FBXO10: variants seen among roughly 807,000 people sequenced by gnomAD.
FBXO10 encodes F-box protein 10, also known as F-box only protein 10.
A neutral mutation model predicts 80.7 loss-of-function variants in FBXO10; 39 were observed. The ratio of observed to expected loss-of-function variants is 0.48; its 90% confidence interval spans 0.37 to 0.63. FBXO10 has a LOEUF of 0.63. FBXO10 is among the 30% of genes least tolerant of loss of function. The pLI, the probability that FBXO10 is intolerant of heterozygous loss-of-function variation, is 0.00. For synonymous variants in FBXO10, 449 were observed against 489.6 expected (o/e 0.92, Z 1.09); for missense variants, 1,025 against 1,269.0 (o/e 0.81, Z 2.92).
rs371237516 is a variant in FBXO10, at chr9:37,521,584, T to C, written c.2185A>G (p.Ile729Val). 4.0e-5 allele frequency: 65 copies of C among 1,611,566 alleles called. No homozygotes were observed. The highest frequency in any genetic ancestry group is 5.2e-5 in the Non-Finnish European group (61 of 1,178,544). The change falls in exon 8 of 11, where the codon ATT (isoleucine) becomes GTT (valine). Residue 729 changes from isoleucine (I) to valine (V), a missense_variant. By Grantham distance (29) the Ile-to-Val change is conservative. Transcript: ENST00000432825. ...ITIALVESNS[I>V]NHNGASGLYV... ...GTATACTCACCTCCATTGTGATTAATACTGTTAGACTCAACAAGAGCTATG... is the reference window on the plus strand; with the variant it reads ...GTATACTCACCTCCATTGTGATTAACACTGTTAGACTCAACAAGAGCTATG...
At chr9:37,558,955 C>T (rs750658398) in intron 1 of FBXO10, among the ~76,000 whole-genome samples, 4 of 151,984 alleles carry the variant, frequency 2.6e-5, no homozygotes, top group Admixed American at 6.6e-5. Flanking sequence ...CGATTACAGA[C>T]GCGCACCACC....
At chr9:37,548,807 G>C (rs1178094359) in intron 1 of FBXO10, among the ~76,000 whole-genome samples, 2 of 151,932 alleles carry the variant, frequency 1.3e-5, no homozygotes, top group Non-Finnish European at 1.5e-5. Context: ...GAAGTGCAGT[G>C]GCGCCATCTC....
intron 4 of FBXO10, among the ~76,000 whole-genome samples, chr9:37,529,812 T>A (rs994100651): frequency 2.6e-5 from 4 of 151,352 alleles, no homozygotes; most frequent in African/African-American, 9.7e-5. Context: ...AGAAGGTGTA[T>A]GAGCTACAGA....
At chr9:37,522,319 A>G (rs1821365262) in intron 7 of FBXO10, 3 of 992,402 alleles carry the variant, frequency 3.0e-6, no homozygotes, top group Non-Finnish European at 3.6e-6. Flanking sequence ...AAATGTGATC[A>G]TGCATAGAAA....
chr9:37,574,103 T>A (rs972937892), intron 1 of FBXO10, among the ~76,000 whole-genome samples: 1 of 152,218 alleles, frequency 6.6e-6, no homozygotes, highest in Admixed American at 6.5e-5. Context: ...CTCCCATCTC[T>A]GAGAGCTCTT....
chr9:37,516,311 A>C (rs1377798267), intron 9 of FBXO10, among the ~76,000 whole-genome samples: 1 of 152,210 alleles, frequency 6.6e-6, no homozygotes, highest in Admixed American at 6.5e-5. Context: ...CAGATGCACA[A>C]CAGGGAGAGC....
chr9:37,558,892 C>A (rs1203445062), intron 1 of FBXO10, among the ~76,000 whole-genome samples: 1 of 151,792 alleles, frequency 6.6e-6, no homozygotes, highest in Non-Finnish European at 1.5e-5. Flanking sequence ...CTCACCGCAA[C>A]CTCCACCTCC....
At chr9:37,518,842 T>C (rs1248883578) in intron 8 of FBXO10, among the ~76,000 whole-genome samples, 1 of 152,102 alleles carries the variant, frequency 6.6e-6, no homozygotes, top group African/African-American at 2.4e-5. Context: ...ATCTACTCAT[T>C]AGAGGGTTTT....
chr9:37,548,001 A>C (rs1242272946), intron 1 of FBXO10, among the ~76,000 whole-genome samples: 4 of 152,048 alleles, frequency 2.6e-5, no homozygotes, highest in African/African-American at 9.7e-5. Context: ...GTGGAGATTA[A>C]CTGGAAGGGG....
chr9:37,518,428 G>C lies in FBXO10; in HGVS notation c.2211C>G (p.Leu737=). ...GCAGTGCCTCGCTGCTCTGGACATA[G>C]AGTCCTGAGGCTATGGGTGGAAGGG... The part of the protein sequence containing the change: ...NSINHNGASG[L]YVQSSEALHV... Residue 737 remains leucine, a synonymous_variant, in exon 9 of 11, where the codon CTC becomes CTG. Coordinates refer to ENST00000432825, the MANE Select transcript of FBXO10 (RefSeq NM_012166.3). 1.3e-6 allele frequency: 2 copies of C among 1,593,266 alleles called. No individual in the cohort carries two copies. Among genetic ancestry groups the C allele is most frequent in the Non-Finnish European group, 1.7e-6 (2 of 1,167,682 alleles).
intron 1 of FBXO10, among the ~76,000 whole-genome samples, chr9:37,561,096 C>T (rs559149105): frequency 2.0e-5 from 3 of 151,564 alleles, no homozygotes; most frequent in East Asian, 1.9e-4. Context: ...GAGCCGAGAT[C>T]GTGCCACTGC....
At chr9:37,523,462 A>C (rs1440738079) in intron 6 of FBXO10, among the ~76,000 whole-genome samples, 3 of 151,860 alleles carry the variant, frequency 2.0e-5, no homozygotes, top group East Asian at 1.9e-4. Flanking sequence ...GCTGGGTGGG[A>C]GGATCACTTG....
chr9:37,562,013 T>C (rs1239225220), intron 1 of FBXO10, among the ~76,000 whole-genome samples: 3 of 152,038 alleles, frequency 2.0e-5, no homozygotes, highest in Non-Finnish European at 4.4e-5. Context: ...TGGAAACACA[T>C]CTGTAAAGGG....
Position 37,525,082 on chromosome 9 carries a change from C to T in FBXO10, c.1777+20G>A. ...GGACCTTGGCCTGGCTGCCAGGTGC[C>T]AGGCAGTTCCCATCCGTACCTGTGA... On this transcript the variant is annotated intron_variant, in intron 6 of 10. Coordinates refer to ENST00000432825, the MANE Select transcript of FBXO10 (RefSeq NM_012166.3). 2 of 1,554,508 alleles carry T rather than the reference C, an allele frequency of 1.3e-6. No individual in the cohort carries two copies. Among genetic ancestry groups the T allele is most frequent in the Non-Finnish European group, 8.7e-7 (1 of 1,148,670 alleles).
intron 1 of FBXO10, among the ~76,000 whole-genome samples, chr9:37,571,528 T>G (rs1033128548): frequency 4.6e-5 from 7 of 151,824 alleles, no homozygotes; most frequent in African/African-American, 1.5e-4. Flanking sequence ...AGATGTCCCT[T>G]TCTCCAGAAA....
At chr9:37,522,208 G>T in intron 7 of FBXO10, 1 of 398,518 alleles carries the variant, frequency 2.5e-6, no homozygotes, top group South Asian at 9.6e-5. Flanking sequence ...CCAGCTGTGA[G>T]ACCCTGAGCA....
At position 37,521,750 on chromosome 9, in the gene FBXO10, C is replaced by T. The variant is rs762141258; in HGVS notation, c.2019G>A (p.Val673=). Reference sequence around the variant, plus strand: ...AGCCATCCTTCTGGCTAAATACTGCCACTCCATACAGGCCATTGTAGCTGA... The same window carrying T: ...AGCCATCCTTCTGGCTAAATACTGCTACTCCATACAGGCCATTGTAGCTGA... ...NHVSYNGLYG[V]AVFSQKDGSS... Residue 673 remains valine, a synonymous_variant, in exon 8 of 11, where the codon GTG becomes GTA. Coordinates refer to ENST00000432825, the MANE Select transcript of FBXO10 (RefSeq NM_012166.3). The T allele has an allele frequency of 5.0e-6, 8 of 1,613,544 alleles. No homozygotes were observed. Among genetic ancestry groups the T allele is most frequent in the Non-Finnish European group, 6.8e-6 (8 of 1,179,882 alleles).
Position 37,528,194 on chromosome 9 carries a change from C to T in FBXO10, c.1706+930G>A, listed in dbSNP as rs151115887. ...GACAGAATAGGCTCCCCCGCCTCAG[C>T]TTGGTCTACATAAGGCCTTCCTCAT... is the stretch of plus-strand genomic sequence containing the variant. On this transcript the variant is annotated intron_variant, in intron 5 of 10. Coordinates refer to ENST00000432825, the MANE Select transcript of FBXO10 (RefSeq NM_012166.3). Among the ~76,000 whole-genome samples the T allele has an allele frequency of 1.1e-4, 17 of 152,314 alleles. No homozygotes were observed. The East Asian group carries it at 3.1e-3, about 28-fold the overall frequency.
intron 1 of FBXO10, among the ~76,000 whole-genome samples, chr9:37,544,310 G>A (rs969496828): frequency 6.6e-6 from 1 of 152,160 alleles, no homozygotes; most frequent in South Asian, 2.1e-4. Flanking sequence ...GTGGGCACCT[G>A]TAATCTCAGC....
Sources: gnomAD v4.1 joint callset for allele counts (sites outside exome capture counted in the v4.1 genomes callset) on GRCh38, gnomAD v4.1.1 for gene constraint, MANE v1.5 for transcripts, NCBI Gene and HGNC (gene_info 2026-07-23, HGNC 2026-07-21) for gene names.